Variants in TMEM25 observed in about 807,000 individuals in gnomAD.
TMEM25 encodes transmembrane protein 25.
A neutral mutation model predicts 37.0 loss-of-function variants in TMEM25; 36 were observed. That is an observed-to-expected ratio of 0.97 (90% confidence interval 0.75 to 1.28). The LOEUF (loss-of-function observed/expected upper bound fraction) is 1.28. Ranked by LOEUF, TMEM25 falls within the 50% of genes most tolerant of loss-of-function variation. The probability of loss-of-function intolerance (pLI) is 0.00; values close to 1 mark genes in which losing one functional copy is unlikely to be tolerated. For missense variants in TMEM25, 444 were observed against 477.9 expected (o/e 0.93, Z 0.66); for synonymous variants, 197 against 203.7 (o/e 0.97, Z 0.28).
chr11:118,543,433 C>T (rs1423217027), intron 8 of TMEM25, among the ~76,000 whole-genome samples: 8 of 152,138 alleles, frequency 5.3e-5, no homozygotes, highest in Non-Finnish European at 1.0e-4. Context: ...CAGTACCCTC[C>T]GTTCTCCCTT....
At chr11:118,543,306 G>C (rs1001194423) in intron 8 of TMEM25, among the ~76,000 whole-genome samples, 1 of 152,036 alleles carries the variant, frequency 6.6e-6, no homozygotes, top group Non-Finnish European at 1.5e-5. Flanking sequence ...CTACCCATGT[G>C]TTTATTGTGT....
downstream of TMEM25, chr11:118,546,934 TTC>T (rs1453934875): frequency 2.0e-5 from 3 of 148,112 alleles, no homozygotes; most frequent in African/African-American, 7.5e-5. Context: ...CTTAAAACTT[TTC>T]TCTTTTTACA....
rs782611195 is a variant in TMEM25, at chr11:118,532,352, C to T, written c.273C>T (p.Thr91=). The change falls in exon 3 of 9, where the codon ACC becomes ACT. Residue 91 remains threonine (T), a synonymous_variant. Coordinates refer to ENST00000313236, the MANE Select transcript of TMEM25 (RefSeq NM_032780.4). ...GAGGGGAGGCCTTCTCTGGAGGCAC[C>T]AGCACCTTCACTGTCACTGCCCATC... is the stretch of plus-strand genomic sequence containing the variant. ...SVGGEAFSGG[T]STFTVTAHRA... 1 of 1,614,214 alleles carries T rather than the reference C, an allele frequency of 6.2e-7. No individual in the cohort carries two copies.
chr11:118,542,978 A>G (rs1454340658), intron 8 of TMEM25, among the ~76,000 whole-genome samples: 4 of 152,186 alleles, frequency 2.6e-5, no homozygotes, highest in Admixed American at 2.0e-4. Context: ...GCAGTGGCTC[A>G]TGCCTGTAAT....
chr11:118,542,065 C>G lies in TMEM25; in HGVS notation c.1028-4054C>G, dbSNP rs573148943. Among the ~76,000 whole-genome samples, 5 of 152,286 alleles carry G rather than the reference C, an allele frequency of 3.3e-5. No individual in the cohort carries two copies. The East Asian group carries it at 7.7e-4, about 23-fold the overall frequency. ...CTCACTGTGCCTGGCCTTTTTAGCT[C>G]CCACTTACAAGTAAGAACATGCACT... On this transcript the variant is annotated intron_variant, in intron 8 of 8. Coordinates refer to the TMEM25 transcript ENST00000354284.
chr11:118,536,909 C>G (rs1256488422), downstream of TMEM25, among the ~76,000 whole-genome samples: 8 of 152,104 alleles, frequency 5.3e-5, no homozygotes, highest in African/African-American at 1.7e-4. Context: ...GTGTCTTGCT[C>G]TATGACTCAG....
Position 118,535,008 on chromosome 11 carries a change from A to C in TMEM25, c.*428A>C. The C allele has an allele frequency of 5.7e-6, 6 of 1,045,532 alleles. No individual in the cohort carries two copies. The highest frequency in any genetic ancestry group is 4.6e-4 in the Middle Eastern group (1 of 2,162). 64.8% of individuals were successfully genotyped at this position (1,045,532 alleles called of 1,614,324 possible). ...GGGGGACAGGGAGGGCCCTGCATGG[A>C]TTTTCCTCCTTCCTATGCTATGTAG... On this transcript the variant is annotated 3_prime_UTR_variant, in exon 9 of 9. Transcript: ENST00000313236.
In TMEM25 at chr11:118,532,385, G is replaced by C; in HGVS notation, c.306G>C (p.Gln102His). 1 of 1,614,192 alleles carries C rather than the reference G, an allele frequency of 6.2e-7. No homozygotes were observed. Among genetic ancestry groups the C allele is most frequent in the Non-Finnish European group, 8.5e-7 (1 of 1,180,028 alleles). The part of the protein sequence containing the change: ...STFTVTAHRA[Q>H]HELNCSLQDP... ...TCACTGTCACTGCCCATCGGGCCCA[G>C]CATGAGCTCAACTGCTCTCTGCAGG... The change falls in exon 3 of 9, where the codon CAG (glutamine) becomes CAC (histidine). Residue 102 changes from glutamine to histidine, a missense_variant. Gln to His is a conservative substitution (Grantham distance 24). Transcript: ENST00000313236.
At chr11:118,533,955 G>A (rs1555061442) in intron 6 of TMEM25, 68 bp downstream of exon 6, 2 of 1,613,830 alleles carry the variant, frequency 1.2e-6, no homozygotes, top group African/African-American at 2.7e-5. Flanking sequence ...AGGGAGCCTG[G>A]GGTTTCTGGT....
At chr11:118,546,247 C>T (rs1411036679) in exon 9 of TMEM25, 1 of 703,340 alleles carries the variant, frequency 1.4e-6, no homozygotes, top group Non-Finnish European at 2.6e-6. Context: ...CCTGTAATAC[C>T]AGCACTGTGG....
Position 118,534,042 on chromosome 11 carries a change from C to G in TMEM25, c.850C>G (p.Leu284Val), listed in dbSNP as rs781790620. 6 of 1,614,026 alleles carry G rather than the reference C, an allele frequency of 3.7e-6. No homozygotes were observed. Among genetic ancestry groups the G allele is most frequent in the Non-Finnish European group, 5.1e-6 (6 of 1,180,040 alleles). ...TCCTCCCTGTAGTGACTCCAACAACCTAAAACTCAACAACGTGCGCCTGCC... is the reference window on the plus strand; with the variant it reads ...TCCTCCCTGTAGTGACTCCAACAACGTAAAACTCAACAACGTGCGCCTGCC... Reference protein sequence around the residue: ...PSLISSDSNNLKLNNVRLPRE... With the variant: ...PSLISSDSNNVKLNNVRLPRE... Residue 284 changes from leucine to valine, a missense_variant, in exon 7 of 9, where the codon CTA (leucine) becomes GTA (valine). Transcript: ENST00000313236. This position sits in a 1 kb window ranked among gnomAD's most constrained non-coding sequence, Gnocchi z 4.6.
In TMEM25 at chr11:118,535,144, T is replaced by A; in HGVS notation, c.*564T>A. On this transcript the variant is annotated 3_prime_UTR_variant, in exon 9 of 9. Transcript: ENST00000313236. ...CGGTACCGGCCAAGCACAAACGTCC[T>A]TTTTGCTGCACACGTCTCTGCCCTT... 9.7e-7 allele frequency: 1 copy of A among 1,029,698 alleles called. No homozygotes were observed. The highest frequency in any genetic ancestry group is 1.2e-6 in the Non-Finnish European group (1 of 858,844). 63.8% of individuals were successfully genotyped at this position (1,029,698 alleles called of 1,614,324 possible).
chr11:118,546,203 G>T, exon 9 of TMEM25: 1 of 717,560 alleles, frequency 1.4e-6, no homozygotes. Flanking sequence ...CCCCTCAGAA[G>T]AAATCAATCT....
rs373413487 is a variant in TMEM25 at position 118,546,100 on chromosome 11, A to G, written c.1028-19A>G. On this transcript the variant is annotated intron_variant, in intron 8 of 8. Coordinates refer to the TMEM25 transcript ENST00000354284. ...TCATTAGGGTGGGCCTTAATCCAGT[A>G]TGACTGGTGTCCTTATAGGAAGAAG... 852 of 718,536 alleles carry G rather than the reference A, an allele frequency of 1.2e-3. 2 individuals are homozygous for G. The highest frequency in any genetic ancestry group is 1.9e-3 in the Non-Finnish European group (735 of 385,094). 44.5% of individuals were successfully genotyped at this position (718,536 alleles called of 1,614,324 possible).
rs1331150972 is a variant in TMEM25 at position 118,531,215 on chromosome 11, G to C, written c.-47G>C. On this transcript the variant is annotated 5_prime_UTR_variant, in exon 1 of 9. Coordinates refer to ENST00000313236, the MANE Select transcript of TMEM25 (RefSeq NM_032780.4). ...TCAGACCTGAGCAGTTGCTCCGGCG[G>C]CGCTCGGGGAGGGAGCCAGGTGAGC... 2 of 460,826 alleles carry C rather than the reference G, an allele frequency of 4.3e-6. No individual in the cohort carries two copies. The highest frequency in any genetic ancestry group is 7.7e-6 in the Non-Finnish European group (2 of 258,368). 28.5% of individuals were successfully genotyped at this position (460,826 alleles called of 1,614,324 possible). A position where few individuals can be genotyped will look rare whatever the true frequency, so the allele number is the denominator to read the frequency against.
intron 8 of TMEM25, among the ~76,000 whole-genome samples, chr11:118,544,044 A>AAG (rs1951619587): frequency 6.6e-6 from 1 of 151,258 alleles, no homozygotes; most frequent in South Asian, 2.1e-4. Flanking sequence ...TCCTGACCAC[A>AAG]TGATCTGCCT....
chr11:118,537,833 T>G (rs1373622562), downstream of TMEM25, among the ~76,000 whole-genome samples: 2 of 152,036 alleles, frequency 1.3e-5, no homozygotes, highest in African/African-American at 4.8e-5. Flanking sequence ...GGTGGATCGC[T>G]TGAACCCAGG....
chr11:118,537,223 C>T (rs1209616148), downstream of TMEM25, among the ~76,000 whole-genome samples: 1 of 152,068 alleles, frequency 6.6e-6, no homozygotes, highest in African/African-American at 2.4e-5. Flanking sequence ...TGCCTGTGGT[C>T]CCAGCTACTC....
chr11:118,539,700 C>T (rs1369988673), downstream of TMEM25, among the ~76,000 whole-genome samples: 1 of 152,030 alleles, frequency 6.6e-6, no homozygotes, highest in Non-Finnish European at 1.5e-5. Context: ...TTCATTGGCT[C>T]TGTCGATGGG....
Sources: gnomAD v4.1 joint callset for allele counts (sites outside exome capture counted in the v4.1 genomes callset) on GRCh38, gnomAD v4.1.1 for gene constraint, Gnocchi (gnomAD v3.1) non-coding constraint, MANE v1.5 for transcripts, NCBI Gene and HGNC (gene_info 2026-07-23, HGNC 2026-07-21) for gene names.